Variants in USP53 observed in about 807,000 individuals in gnomAD.
USP53 encodes the protein ubiquitin specific peptidase 53.
A neutral mutation model predicts 94.9 loss-of-function variants in USP53; 71 were observed. That is an observed-to-expected ratio of 0.75 (90% CI 0.62 to 0.91). The LOEUF is 0.91. Among genes scored for constraint, USP53 ranks in the 40% least tolerant of loss-of-function variants. The pLI is 0.00. For synonymous variants in USP53, 375 were observed against 422.7 expected (o/e 0.89, Z 1.39); for missense variants, 1,173 against 1,281.0 (o/e 0.92, Z 1.29).
intron 5 of USP53, among the ~76,000 whole-genome samples, chr4:119,242,045 T>C (rs1361824916): frequency 6.6e-6 from 1 of 152,268 alleles, no homozygotes; most frequent in African/African-American, 2.4e-5. Flanking sequence ...GTTTTCACTT[T>C]GAGAAGTTTT....
chr4:119,273,468 T>G (rs1403744156), intron 16 of USP53, 164 bp from the exon 17 acceptor site: 2 of 495,882 alleles, frequency 4.0e-6, no homozygotes, highest in African/African-American at 3.8e-5. Context: ...CTTTATCTTC[T>G]GTAAAATGAA....
chr4:119,223,589 A>G (rs113012442), intron 3 of USP53, among the ~76,000 whole-genome samples: 9 of 152,350 alleles, frequency 5.9e-5, no homozygotes, highest in African/African-American at 2.2e-4. Context: ...AATCCCGACT[A>G]AGAGTTTCCT....
At chr4:119,266,276 C>T (rs1339107411) in intron 12 of USP53, 4 of 456,128 alleles carry the variant, frequency 8.8e-6, no homozygotes, top group Non-Finnish European at 1.3e-5. Flanking sequence ...AATCTGTGAA[C>T]ATATTTTTTT....
At chr4:119,268,228 G>A (rs1394011763) in intron 13 of USP53, 40 bp from the exon 14 acceptor site, 3 of 1,529,202 alleles carry the variant, frequency 2.0e-6, no homozygotes, top group Admixed American at 4.2e-5. Flanking sequence ...TCTTCTCATG[G>A]GAAGGAAAGG....
At chr4:119,251,408 G>A (rs1228756789) in intron 7 of USP53, among the ~76,000 whole-genome samples, 1 of 152,096 alleles carries the variant, frequency 6.6e-6, no homozygotes, top group East Asian at 1.9e-4. Context: ...ATAATCCTTT[G>A]GGTATATACC....
intron 11 of USP53, among the ~76,000 whole-genome samples, chr4:119,260,940 T>G (rs1377871676): frequency 7.1e-6 from 1 of 140,854 alleles, no homozygotes; most frequent in Non-Finnish European, 1.5e-5. Context: ...TCTAAAGCAC[T>G]GATCTCTCTC....
intron 5 of USP53, among the ~76,000 whole-genome samples, chr4:119,240,444 C>T (rs1452616846): frequency 6.6e-6 from 1 of 152,002 alleles, no homozygotes; most frequent in African/African-American, 2.4e-5. Context: ...CTTAATTAAC[C>T]TGCTTTTCTG....
chr4:119,264,917 A>G (rs1750925334), intron 12 of USP53, among the ~76,000 whole-genome samples: 1 of 152,246 alleles, frequency 6.6e-6, no homozygotes. Context: ...TGGTGAATGG[A>G]TGAACAAATT....
At chr4:119,272,482 C>T (rs13113662) in intron 16 of USP53, 16,156 of 154,148 alleles carry the variant, frequency 0.1, 960 homozygotes, top group Non-Finnish European at 0.13. Flanking sequence ...GGCGCAATTA[C>T]GGGTCACTGC....
intron 3 of USP53, chr4:119,220,243 T>C (rs900989347): frequency 1.3e-5 from 2 of 152,128 alleles, no homozygotes; most frequent in Non-Finnish European, 2.9e-5. Flanking sequence ...TATGCTCTTC[T>C]ATATGGTTTA....
Position 119,293,425 on chromosome 4 carries a change from C to T in USP53, c.*214C>T. 1.9e-6 allele frequency: 1 copy of T among 537,916 alleles called. No individual in the cohort carries two copies. Among genetic ancestry groups the T allele is most frequent in the Non-Finnish European group, 3.2e-6 (1 of 308,084 alleles). 33.3% of individuals were successfully genotyped at this position (537,916 alleles called of 1,614,324 possible). A position where few individuals can be genotyped will look rare whatever the true frequency, so the allele number is the denominator to read the frequency against. On this transcript the variant is annotated 3_prime_UTR_variant, in exon 19 of 19. Transcript: ENST00000692078. ...GTGGCATTTTTAAAGTTGTTAATCA[C>T]TATACATATGTATGTGTATATGTGT...
chr4:119,293,192 G>C lies in USP53; in HGVS notation c.3203G>C (p.Cys1068Ser). ...TCTTTTCCAGAGAGCAGTGGCTTTTGTAATAATTCACTATCTTAGAGTGAA... is the reference window on the plus strand; with the variant it reads ...TCTTTTCCAGAGAGCAGTGGCTTTTCTAATAATTCACTATCTTAGAGTGAA... The part of the protein sequence containing the change: ...KLSFPESSGF[C>S]NNSLS Residue 1068 changes from cysteine to serine, a missense_variant, in exon 19 of 19, where the codon TGT becomes TCT. Cys to Ser is a moderately radical substitution (Grantham distance 112). Transcript: ENST00000692078. 2 of 1,601,624 alleles carry C rather than the reference G, an allele frequency of 1.2e-6. No individual in the cohort carries two copies. Among genetic ancestry groups the C allele is most frequent in the Non-Finnish European group, 1.7e-6 (2 of 1,177,632 alleles).
At chr4:119,256,178 A>C in intron 7 of USP53, 68 bp from the exon 8 acceptor site, 1 of 1,125,014 alleles carries the variant, frequency 8.9e-7, no homozygotes, top group Non-Finnish European at 1.3e-6. Flanking sequence ...TCTGCAGGTA[A>C]AGAGTTATAT....
chr4:119,278,018 G>T (rs1276051963), intron 17 of USP53, among the ~76,000 whole-genome samples: 1 of 145,140 alleles, frequency 6.9e-6, no homozygotes, highest in Non-Finnish European at 1.5e-5. Context: ...TGGGTTTCCT[G>T]AATACAGCAC....
intron 7 of USP53, among the ~76,000 whole-genome samples, chr4:119,255,662 C>T (rs1270588226): frequency 6.6e-6 from 1 of 152,188 alleles, no homozygotes; most frequent in Non-Finnish European, 1.5e-5. Context: ...CTCACAGCTT[C>T]CCTTGGCTAG....
intron 9 of USP53, among the ~76,000 whole-genome samples, chr4:119,258,936 T>A (rs980481009): frequency 5.3e-5 from 8 of 152,146 alleles, no homozygotes; most frequent in Non-Finnish European, 8.8e-5. Context: ...ATAAAAAGTA[T>A]CACAGTTACC....
intron 17 of USP53, among the ~76,000 whole-genome samples, chr4:119,279,896 G>A (rs577038492): frequency 2.2e-4 from 33 of 152,286 alleles, no homozygotes; most frequent in African/African-American, 7.2e-4. Flanking sequence ...TCTTTGACTC[G>A]GAAAGGGGAC....
In USP53 at chr4:119,226,748, A is replaced by G. The variant is rs138189743; in HGVS notation, c.-664-8542A>G. ...GAAATATTTATAATTCATTTAAAGT[A>G]ATGGCAAAAAGCACAATTACTTTTG... On this transcript the variant is annotated intron_variant, in intron 3 of 18. Coordinates refer to ENST00000692078, the MANE Select transcript of USP53 (RefSeq NM_001371395.1). 1.5e-3 allele frequency among the ~76,000 whole-genome samples: 236 copies of G among 152,312 alleles called. 1 individual carries two copies. The highest frequency in any genetic ancestry group is 5.3e-3 in the African/African-American group (220 of 41,564).
At chr4:119,237,505 A>G (rs1746946417) in intron 4 of USP53, among the ~76,000 whole-genome samples, 2 of 152,140 alleles carry the variant, frequency 1.3e-5, no homozygotes, top group South Asian at 2.1e-4. Flanking sequence ...GCTGCTATCT[A>G]TTGAAAGTCA....
Sources: allele counts gnomAD v4.1 joint callset (sites outside exome capture counted in the v4.1 genomes callset), GRCh38; gene constraint gnomAD v4.1.1; transcripts MANE v1.5; gene names NCBI Gene and HGNC (gene_info 2026-07-23, HGNC 2026-07-21).